Variants in DGKI observed in about 807,000 individuals in gnomAD.
DGKI encodes the protein DAG kinase iota.
A neutral mutation model predicts 147.5 loss-of-function variants in DGKI; 55 were observed. The observed-to-expected ratio is 0.37, with a 90% CI of 0.30 to 0.47. The LOEUF (loss-of-function observed/expected upper bound fraction) is 0.47. Among genes scored for constraint, DGKI ranks in the 20% least tolerant of loss-of-function variants. DGKI has a pLI of 1.00. For missense variants in DGKI, 1,007 were observed against 1,323.8 expected (o/e 0.76, Z 3.71); for synonymous variants, 469 against 477.1 (o/e 0.98, Z 0.22).
intron 1 of DGKI, among the ~76,000 whole-genome samples, chr7:137,724,482 G>A (rs1794664008): frequency 6.6e-6 from 1 of 152,196 alleles, no homozygotes; most frequent in Admixed American, 6.5e-5. Context: ...GCTTGGATTG[G>A]AGTGGTAACT....
rs137932599 is a variant in DGKI at position 137,790,231 on chromosome 7, AACACACACACACAC to A, written c.401+56217_401+56230del. ...ACTATGTTACAGATTGTGTATTACC[AACACACACACACAC>A]ACACACACACACACACACACACACA... On this transcript the variant is annotated intron_variant, in intron 1 of 32. Transcript: ENST00000614521. Among the ~76,000 whole-genome samples the A allele has an allele frequency of 7.0e-3, 1,004 of 143,806 alleles. 4 individuals carry two copies. The highest frequency in any genetic ancestry group is 0.011 in the Non-Finnish European group (739 of 65,204). The allele number at this position is 143,806 out of a possible 152,430, so 94.3% of individuals were successfully genotyped here.
Position 137,576,805 on chromosome 7 carries a change from A to T in DGKI, c.1761+417T>A, listed in dbSNP as rs57437520. The stretch of plus-strand genomic sequence containing the variant: ...TCCTCCTCAGATTATCCTGGAATAA[A>T]GATACTTGTTTGGAGAGTACCGATT... On this transcript the variant is annotated intron_variant, in intron 17 of 32. Coordinates refer to ENST00000614521, the MANE Select transcript of DGKI (RefSeq NM_001321708.2). 5.9e-3 allele frequency among the ~76,000 whole-genome samples: 898 copies of T among 152,348 alleles called. 7 individuals are homozygous for T. Among genetic ancestry groups the T allele is most frequent in the African/African-American group, 0.02 (846 of 41,586 alleles).
rs1563075671 is a variant in DGKI at position 137,540,761 on chromosome 7, C to CAAAAAAAAAAAA, written c.2147+11607_2147+11608insTTTTTTTTTTTT. Among the ~76,000 whole-genome samples the CAAAAAAAAAAAA allele has an allele frequency of 2.8e-4, 10 of 35,534 alleles. 3 individuals are homozygous for CAAAAAAAAAAAA. The highest frequency in any genetic ancestry group is 2.7e-3 in the East Asian group (3 of 1,124). The allele number at this position is 35,534 out of a possible 152,430, so 23.3% of individuals were successfully genotyped here. A position where few individuals can be genotyped will look rare whatever the true frequency, so the allele number is the denominator to read the frequency against. The stretch of plus-strand genomic sequence containing the variant: ...GGAAACAAACATTTTAAAAACCCCC[C>CAAAAAAAAAAAA]CAAAAAAAAAAAAAAAAAAAAAAAA... On this transcript the variant is annotated intron_variant, in intron 20 of 32. Transcript: ENST00000614521.
chr7:137,820,053 T>C (rs75727488), intron 1 of DGKI, among the ~76,000 whole-genome samples: 1 of 152,180 alleles, frequency 6.6e-6, no homozygotes, highest in African/African-American at 2.4e-5. Context: ...ATGTTATTCA[T>C]ATGTCCACCT....
intron 28 of DGKI, among the ~76,000 whole-genome samples, chr7:137,429,595 C>T (rs1485561887): frequency 1.3e-5 from 2 of 151,966 alleles, no homozygotes; most frequent in African/African-American, 4.8e-5. Context: ...GCAAAAAAAA[C>T]TACCATCAGA....
chr7:137,739,782 T>C (rs1402434399), intron 1 of DGKI, among the ~76,000 whole-genome samples: 2 of 152,202 alleles, frequency 1.3e-5, no homozygotes, highest in Non-Finnish European at 2.9e-5. Context: ...TTTTGGTCCC[T>C]GTTTTTCTTA....
At chr7:137,684,607 C>T (rs1008284372) in intron 2 of DGKI, among the ~76,000 whole-genome samples, 24 of 152,128 alleles carry the variant, frequency 1.6e-4, no homozygotes, top group Admixed American at 1.5e-3. Flanking sequence ...TAAAAACTCC[C>T]CCGTTCTCAG....
At chr7:137,724,127 G>A (rs1794652152) in intron 1 of DGKI, among the ~76,000 whole-genome samples, 1 of 152,058 alleles carries the variant, frequency 6.6e-6, no homozygotes, top group Non-Finnish European at 1.5e-5. Flanking sequence ...CCAGACAAAG[G>A]TAACTTGAAA....
intron 27 of DGKI, among the ~76,000 whole-genome samples, chr7:137,458,072 T>C (rs1478156557): frequency 1.3e-5 from 2 of 152,194 alleles, no homozygotes; most frequent in Admixed American, 1.3e-4. Context: ...AATTATTTCT[T>C]CTTTAGTTGT....
chr7:137,798,803 G>A (rs1797109946), intron 1 of DGKI, among the ~76,000 whole-genome samples: 2 of 152,136 alleles, frequency 1.3e-5, no homozygotes, highest in African/African-American at 4.8e-5. Flanking sequence ...TTATACCTAT[G>A]ATCAAGGAGA....
intron 21 of DGKI, among the ~76,000 whole-genome samples, chr7:137,489,806 T>C (rs1410981212): frequency 6.6e-6 from 1 of 152,202 alleles, no homozygotes; most frequent in African/African-American, 2.4e-5. Context: ...AGTTAGGAGA[T>C]ATATTTTATA....
intron 27 of DGKI, among the ~76,000 whole-genome samples, chr7:137,451,677 T>C (rs1813963918): frequency 1.3e-5 from 2 of 152,254 alleles, no homozygotes; most frequent in South Asian, 4.1e-4. Flanking sequence ...GTGTCACGAC[T>C]ATTTCAGTCT....
chr7:137,747,937 A>G (rs936278815), intron 1 of DGKI, among the ~76,000 whole-genome samples: 3 of 152,224 alleles, frequency 2.0e-5, no homozygotes, highest in Non-Finnish European at 4.4e-5. Flanking sequence ...TAGCTAGCCA[A>G]TCCTAACAAA....
intron 1 of DGKI, among the ~76,000 whole-genome samples, chr7:137,817,270 C>T (rs1797766770): frequency 6.6e-6 from 1 of 152,134 alleles, no homozygotes; most frequent in Admixed American, 6.5e-5. Flanking sequence ...CAAAGTGTCT[C>T]ATTGTCTAAT....
chr7:137,745,545 T>C (rs1795299333), intron 1 of DGKI, among the ~76,000 whole-genome samples: 3 of 152,230 alleles, frequency 2.0e-5, no homozygotes, highest in African/African-American at 7.2e-5. Flanking sequence ...ATCCTCCCTT[T>C]GTCCACGGTA....
Position 137,607,508 on chromosome 7 carries a change from T to C in DGKI, c.1167+1458A>G, listed in dbSNP as rs192799588. On this transcript the variant is annotated intron_variant, in intron 10 of 32. Coordinates refer to ENST00000614521, the MANE Select transcript of DGKI (RefSeq NM_001321708.2). ...CTGGATCATCAGCTCCTTAAAGAAA[T>C]AGATAACTTACTAGCCTCTGTGCGC... 2.0e-3 allele frequency among the ~76,000 whole-genome samples: 307 copies of C among 152,266 alleles called. 1 individual carries two copies. Among genetic ancestry groups the C allele is most frequent in the Non-Finnish European group, 3.3e-3 (222 of 68,016 alleles).
intron 1 of DGKI, among the ~76,000 whole-genome samples, chr7:137,704,413 T>C (rs1016948324): frequency 2.0e-5 from 3 of 152,038 alleles, no homozygotes; most frequent in Non-Finnish European, 4.4e-5. Context: ...TTGAAGCTGA[T>C]AGTTGAAGGA....
chr7:137,657,280 A>G (rs909868671), intron 3 of DGKI, among the ~76,000 whole-genome samples: 1 of 152,210 alleles, frequency 6.6e-6, no homozygotes, highest in African/African-American at 2.4e-5. Context: ...CATTTCACTG[A>G]TGAGAAAACT....
At position 137,463,377 on chromosome 7, in the gene DGKI, A is replaced by G; in HGVS notation, c.2735+112T>C. 1.2e-5 allele frequency: 17 copies of G among 1,449,688 alleles called. 1 individual carries two copies. Among genetic ancestry groups the G allele is most frequent in the Non-Finnish European group, 1.6e-5 (17 of 1,072,034 alleles). The allele number at this position is 1,449,688 out of a possible 1,614,324, so 89.8% of individuals were successfully genotyped here. On this transcript the variant is annotated intron_variant, in intron 27 of 32. Coordinates refer to ENST00000614521, the MANE Select transcript of DGKI (RefSeq NM_001321708.2). ...ACACAGAGTAGCACCTGCATGAGAC[A>G]GCCTGAGCGCCATTGAAAAGAGAAT...
Sources: allele counts gnomAD v4.1 joint callset (sites outside exome capture counted in the v4.1 genomes callset), GRCh38; gene constraint gnomAD v4.1.1; transcripts MANE v1.5; gene names NCBI Gene and HGNC (gene_info 2026-07-23, HGNC 2026-07-21).